Variants in RUFY1 observed in about 807,000 individuals in gnomAD.
The protein encoded by RUFY1 is RUN and FYVE domain containing 1.
A neutral mutation model predicts 94.6 loss-of-function variants in RUFY1; 54 were observed. That is an observed-to-expected ratio of 0.57 (90% confidence interval 0.46 to 0.72). The LOEUF (loss-of-function observed/expected upper bound fraction) is 0.72. RUFY1 is among the 30% of genes least tolerant of loss of function. RUFY1 has a pLI of 0.00. For synonymous variants in RUFY1, 396 were observed against 347.3 expected (o/e 1.14, Z -1.56); for missense variants, 883 against 883.9 (o/e 1.00, Z 0.01).
At position 179,607,565 on chromosome 5, in the gene RUFY1, T is replaced by C; in HGVS notation, c.1906-17T>C. On this transcript the variant is annotated splice_polypyrimidine_tract_variant and intron_variant, in intron 16 of 17. Coordinates refer to ENST00000319449, the MANE Select transcript of RUFY1 (RefSeq NM_025158.5). ...CTTAGACAGAAAGTGGATTCTAGAATGTCCTTTCCTCTTCAGGGCCACGCC... is the reference window on the plus strand; with the variant it reads ...CTTAGACAGAAAGTGGATTCTAGAACGTCCTTTCCTCTTCAGGGCCACGCC... The C allele has an allele frequency of 6.2e-7, 1 of 1,612,918 alleles. No individual in the cohort carries two copies. Among genetic ancestry groups the C allele is most frequent in the Middle Eastern group, 1.7e-4 (1 of 6,060 alleles).
At chr5:179,576,774 T>C (rs1434098043) in intron 5 of RUFY1, among the ~76,000 whole-genome samples, 1 of 152,192 alleles carries the variant, frequency 6.6e-6, no homozygotes, top group African/African-American at 2.4e-5. Flanking sequence ...AATTACTTTG[T>C]ACACAAATAA....
At chr5:179,594,184 C>G (rs1419620761) in intron 11 of RUFY1, among the ~76,000 whole-genome samples, 1 of 151,910 alleles carries the variant, frequency 6.6e-6, no homozygotes, top group African/African-American at 2.4e-5. Flanking sequence ...CGCCTCTAAT[C>G]CCAGATACTC....
intron 2 of RUFY1, 32 bp from the exon 3 acceptor site, chr5:179,562,512 GTTC>G: frequency 1.4e-6 from 2 of 1,381,366 alleles, no homozygotes; most frequent in South Asian, 2.4e-5. Flanking sequence ...TTTGCAACCT[GTTC>G]TTATGAATAA....
intron 4 of RUFY1, among the ~76,000 whole-genome samples, chr5:179,567,924 A>G (rs1762954295): frequency 6.6e-6 from 1 of 150,570 alleles, no homozygotes; most frequent in South Asian, 2.1e-4. Context: ...TAATTAGAAC[A>G]TAGTTCTGTA....
At chr5:179,559,595 T>C (rs945700090) in intron 1 of RUFY1, 3 of 904,108 alleles carry the variant, frequency 3.3e-6, no homozygotes, top group African/African-American at 3.6e-5. Flanking sequence ...TGAGCTGGAC[T>C]CGCCCAATAG....
intron 5 of RUFY1, among the ~76,000 whole-genome samples, chr5:179,574,366 C>T (rs987576133): frequency 1.3e-5 from 2 of 152,122 alleles, no homozygotes; most frequent in African/African-American, 4.8e-5. Flanking sequence ...CTGCACTCCA[C>T]TCTGGGCAAC....
chr5:179,603,911 G>C (rs184192763), intron 15 of RUFY1, among the ~76,000 whole-genome samples: 23 of 152,234 alleles, frequency 1.5e-4, no homozygotes, highest in African/African-American at 5.3e-4. Flanking sequence ...TATAAAATTA[G>C]CCGGGCATGG....
At chr5:179,553,470 A>G (rs1040134384) in intron 1 of RUFY1, among the ~76,000 whole-genome samples, 7 of 152,186 alleles carry the variant, frequency 4.6e-5, no homozygotes, top group Non-Finnish European at 1.0e-4. Flanking sequence ...CAAAATGTCT[A>G]TATATATATC....
intron 11 of RUFY1, 62 bp from the exon 12 acceptor site, chr5:179,594,804 A>T: frequency 9.9e-7 from 1 of 1,011,140 alleles, no homozygotes; most frequent in Non-Finnish European, 1.5e-6. Context: ...CCTGTTTGTA[A>T]TCCAGAGCAG....
At chr5:179,575,613 G>A (rs900657115) in intron 5 of RUFY1, among the ~76,000 whole-genome samples, 2 of 152,118 alleles carry the variant, frequency 1.3e-5, no homozygotes, top group African/African-American at 4.8e-5. Flanking sequence ...AGACCCCCCA[G>A]AGTTGAAGGT....
At chr5:179,608,920 CAAAAA>C (rs57127812) in intron 17 of RUFY1, among the ~76,000 whole-genome samples, 52 of 121,802 alleles carry the variant, frequency 4.3e-4, no homozygotes, top group Admixed American at 1.2e-3. Flanking sequence ...GACAGAGACT[CAAAAA>C]AAAAAAAAAA....
intron 1 of RUFY1, among the ~76,000 whole-genome samples, chr5:179,551,176 C>T (rs1761827188): frequency 6.6e-6 from 1 of 152,208 alleles, no homozygotes; most frequent in African/African-American, 2.4e-5. Flanking sequence ...AGTAACTCCA[C>T]ACACGAAACG....
intron 3 of RUFY1, among the ~76,000 whole-genome samples, chr5:179,565,210 A>G (rs1027650481): frequency 6.9e-5 from 8 of 115,268 alleles, no homozygotes; most frequent in African/African-American, 2.8e-4. Flanking sequence ...GTCTCACTCT[A>G]TCGCCCAGCC....
rs1761769536 is a variant in RUFY1, at chr5:179,550,625, A to C, written c.56A>C (p.Glu19Ala). ...GGGCGGGGGCGGGAGCTGGAGCCGGAGCTGGAGCCGGGGCCGGGGCCCGGG... is the reference window on the plus strand; with the variant it reads ...GGGCGGGGGCGGGAGCTGGAGCCGGCGCTGGAGCCGGGGCCGGGGCCCGGG... ...AAGRGRELEP[E>A]LEPGPGPGSA... The change falls in exon 1 of 18, where the codon GAG becomes GCG. Residue 19 changes from glutamate (E) to alanine (A), a missense_variant. Coordinates refer to ENST00000319449, the MANE Select transcript of RUFY1 (RefSeq NM_025158.5). The C allele has an allele frequency of 7.4e-7, 1 of 1,347,484 alleles. No homozygotes were observed. The highest frequency in any genetic ancestry group is 1.4e-5 in the South Asian group (1 of 71,106). The allele number at this position is 1,347,484 out of a possible 1,614,324, so 83.5% of individuals were successfully genotyped here.
At chr5:179,580,552 G>GTT (rs35615152) in intron 6 of RUFY1, among the ~76,000 whole-genome samples, 2 of 145,352 alleles carry the variant, frequency 1.4e-5, no homozygotes, top group African/African-American at 2.5e-5. Context: ...AGTTTTTTTT[G>GTT]TTTTTTTTTT....
At chr5:179,590,328 T>C (rs1456605708) in intron 9 of RUFY1, among the ~76,000 whole-genome samples, 1 of 149,658 alleles carries the variant, frequency 6.7e-6, no homozygotes, top group Non-Finnish European at 1.5e-5. Context: ...CACTCCAGCC[T>C]GGGCCATAGA....
At chr5:179,590,789 T>G (rs1228208402) in intron 9 of RUFY1, 3 of 146,638 alleles carry the variant, frequency 2.0e-5, no homozygotes, top group African/African-American at 7.6e-5. Context: ...CCCGGCCAAG[T>G]CTTGTTCTGT....
intron 17 of RUFY1, among the ~76,000 whole-genome samples, 176 bp from the exon 18 acceptor site, chr5:179,609,200 C>CGAT (rs1767449604): frequency 1.6e-5 from 1 of 63,034 alleles, no homozygotes; most frequent in African/African-American, 5.2e-5. Flanking sequence ...GAGCAAGACT[C>CGAT]TATCTCAAAA....
intron 14 of RUFY1, among the ~76,000 whole-genome samples, chr5:179,601,498 T>G (rs1337215113): frequency 6.6e-6 from 1 of 151,626 alleles, no homozygotes; most frequent in Non-Finnish European, 1.5e-5. Flanking sequence ...CATTCTGATC[T>G]GCTTGTTGCT....
Sources: allele counts gnomAD v4.1 joint callset (sites outside exome capture counted in the v4.1 genomes callset), GRCh38; gene constraint gnomAD v4.1.1; transcripts MANE v1.5; gene names NCBI Gene and HGNC (gene_info 2026-07-23, HGNC 2026-07-21).